The following HSDL2 variants were observed in gnomAD, a reference collection of about 807,000 sequenced individuals.
HSDL2 encodes hydroxysteroid dehydrogenase like 2.
A neutral mutation model predicts 46.3 loss-of-function variants in HSDL2; 27 were observed. That is an observed-to-expected ratio of 0.58 (90% CI 0.43 to 0.80). The LOEUF (loss-of-function observed/expected upper bound fraction) is 0.80. HSDL2 is among the 30% of genes least tolerant of loss of function. HSDL2 has a pLI of 0.00. For missense variants in HSDL2, 451 were observed against 502.7 expected (o/e 0.90, Z 0.98); for synonymous variants, 153 against 163.6 (o/e 0.94, Z 0.50).
intron 6 of HSDL2, among the ~76,000 whole-genome samples, chr9:112,430,192 T>G (rs1832355017): frequency 6.6e-6 from 1 of 152,064 alleles, no homozygotes; most frequent in Non-Finnish European, 1.5e-5. Context: ...AAGGTGACGT[T>G]TGAGCATAGA....
intron 8 of HSDL2, among the ~76,000 whole-genome samples, chr9:112,450,183 A>G (rs1766768110): frequency 6.6e-6 from 1 of 151,872 alleles, no homozygotes; most frequent in Admixed American, 6.6e-5. Flanking sequence ...TAATCATAAC[A>G]CTATGGGAGA....
rs573291636 is a variant in HSDL2, at chr9:112,436,053, C to T, written c.599-2378C>T. Among the ~76,000 whole-genome samples the T allele has an allele frequency of 1.4e-4, 21 of 151,564 alleles. No individual in the cohort carries two copies. The South Asian group carries it at 2.1e-3, about 15-fold the overall frequency. ...ACTTTGGAAGGCCAAGGCAGGAGGA[C>T]GGCTTGAGCCCACGAGTTGGAGACC... On this transcript the variant is annotated intron_variant, in intron 6 of 10. Coordinates refer to ENST00000398805, the MANE Select transcript of HSDL2 (RefSeq NM_032303.5).
intron 2 of HSDL2, 27 bp from the exon 3 acceptor site, chr9:112,405,597 T>G (rs528251710): frequency 4.3e-5 from 64 of 1,496,914 alleles, no homozygotes; most frequent in Non-Finnish European, 5.5e-5. Flanking sequence ...GCTTTAACGC[T>G]TTTTCATTTT....
intron 4 of HSDL2, 71 bp from the exon 5 acceptor site, chr9:112,416,770 C>G (rs1457601790): frequency 1.9e-5 from 14 of 745,510 alleles, no homozygotes; most frequent in Non-Finnish European, 2.6e-5. Context: ...AAGGCCCCCT[C>G]TCTTAAAAAA....
intron 8 of HSDL2, among the ~76,000 whole-genome samples, chr9:112,447,446 G>T (rs1018391259): frequency 1.3e-5 from 2 of 152,126 alleles, no homozygotes; most frequent in African/African-American, 4.8e-5. Flanking sequence ...ATATGTAGAT[G>T]ATATATCTTG....
intron 9 of HSDL2, among the ~76,000 whole-genome samples, chr9:112,457,402 G>T (rs1833063862): frequency 6.6e-6 from 1 of 152,154 alleles, no homozygotes; most frequent in African/African-American, 2.4e-5. Context: ...TGTAATCCCA[G>T]CACTCTGGGA....
intron 6 of HSDL2, among the ~76,000 whole-genome samples, chr9:112,436,377 G>T (rs1305362786): frequency 1.3e-5 from 2 of 151,536 alleles, no homozygotes; most frequent in Non-Finnish European, 2.9e-5. Flanking sequence ...AGGGATGTAA[G>T]TTCCATGAAG....
At chr9:112,425,634 TTTTG>T (rs1832226950) in intron 6 of HSDL2, among the ~76,000 whole-genome samples, 1 of 152,134 alleles carries the variant, frequency 6.6e-6, no homozygotes, top group Non-Finnish European at 1.5e-5. Context: ...TGGTGTCACA[TTTTG>T]TTTAATTTTC....
Position 112,380,163 on chromosome 9 carries a change from C to A in HSDL2, c.-1C>A, listed in dbSNP as rs1034904596. ...GCCACCTCCTCTGATCTACGAAAGT[C>A]ATGTTACCCAACACCGGGTAAGGGG... On this transcript the variant is annotated 5_prime_UTR_variant, in exon 1 of 11. Coordinates refer to ENST00000398805, the MANE Select transcript of HSDL2 (RefSeq NM_032303.5). The A allele has an allele frequency of 1.1e-5, 17 of 1,573,490 alleles. No homozygotes were observed. The highest frequency in any genetic ancestry group is 1.5e-5 in the Non-Finnish European group (17 of 1,158,766).
rs1204041231 is a variant in HSDL2, at chr9:112,459,451, G to A, written c.1018G>A (p.Glu340Lys). ...QAIYLFELSG[E>K]DGGTWFLDLK... ...TTTCTATATGTTTATCTCTCTAGGT[G>A]AAGATGGTGGCACGTGGTTTCTTGA... The change falls in exon 10 of 11, where the codon GAA becomes AAA. Residue 340 changes from glutamate (E) to lysine (K), a missense_variant and splice_region_variant. Physicochemically the swap from Glu to Lys is moderately conservative, Grantham distance 56. Coordinates refer to ENST00000398805, the MANE Select transcript of HSDL2 (RefSeq NM_032303.5). The A allele has an allele frequency of 6.2e-7, 1 of 1,613,888 alleles. No homozygotes were observed. The highest frequency in any genetic ancestry group is 8.5e-7 in the Non-Finnish European group (1 of 1,179,790).
Position 112,441,704 on chromosome 9 carries a change from C to T in HSDL2, c.799C>T (p.Pro267Ser). Residue 267 changes from proline to serine, a missense_variant, in exon 8 of 11, where the codon CCT becomes TCT. Physicochemically the swap from Pro to Ser is moderately conservative, Grantham distance 74. Transcript: ENST00000398805. ...FDVYAIKPGH[P>S]LQPDFFLDEY... ...GTTTGGGGTCAATTTTTCAGGTCAT[C>T]CTTTGCAACCAGATTTCTTCTTAGA... The T allele has an allele frequency of 1.2e-6, 2 of 1,612,082 alleles. No homozygotes were observed. The highest frequency in any genetic ancestry group is 2.2e-5 in the South Asian group (2 of 91,016).
chr9:112,447,089 G>A (rs1168675928), intron 8 of HSDL2, among the ~76,000 whole-genome samples: 3 of 152,142 alleles, frequency 2.0e-5, no homozygotes, highest in Admixed American at 6.6e-5. Context: ...ATCAGTCTAG[G>A]TGATATTCAG....
At chr9:112,455,238 A>T (rs367967319) in intron 9 of HSDL2, among the ~76,000 whole-genome samples, 21 of 152,072 alleles carry the variant, frequency 1.4e-4, no homozygotes, top group Admixed American at 7.9e-4. Context: ...AGTGAGACCC[A>T]TCTCAAACAA....
chr9:112,392,796 A>C (rs957061322), intron 1 of HSDL2, among the ~76,000 whole-genome samples: 2 of 152,360 alleles, frequency 1.3e-5, no homozygotes, highest in South Asian at 2.1e-4. Context: ...CAATTATCAC[A>C]GTGGTCCTGA....
chr9:112,433,406 G>C (rs915240225), intron 6 of HSDL2, among the ~76,000 whole-genome samples: 4 of 152,054 alleles, frequency 2.6e-5, no homozygotes, highest in Non-Finnish European at 4.4e-5. Flanking sequence ...TGAGATGGAT[G>C]GTCTTGTCTG....
chr9:112,401,981 A>C (rs1831610426), intron 1 of HSDL2, among the ~76,000 whole-genome samples: 2 of 152,146 alleles, frequency 1.3e-5, no homozygotes, highest in South Asian at 4.1e-4. Context: ...TCCCACTTTT[A>C]CCTCTGATCT....
At chr9:112,452,469 G>A (rs1832909923) in intron 8 of HSDL2, among the ~76,000 whole-genome samples, 1 of 152,186 alleles carries the variant, frequency 6.6e-6, no homozygotes, top group African/African-American at 2.4e-5. Context: ...CAGAGAGGCC[G>A]GGCACGGTGG....
At chr9:112,466,517 C>T (rs1833387935) in intron 10 of HSDL2, among the ~76,000 whole-genome samples, 1 of 148,842 alleles carries the variant, frequency 6.7e-6, no homozygotes, top group African/African-American at 2.5e-5. Flanking sequence ...CACGCCATTG[C>T]ACTCTAGCCT....
intron 1 of HSDL2, among the ~76,000 whole-genome samples, chr9:112,401,014 A>G (rs750954676): frequency 8.5e-5 from 13 of 152,192 alleles, no homozygotes; most frequent in African/African-American, 1.7e-4. Context: ...GGGGGACACA[A>G]TTCAATCAAT....
Sources: gnomAD v4.1 joint callset for allele counts (sites outside exome capture counted in the v4.1 genomes callset) on GRCh38, gnomAD v4.1.1 for gene constraint, MANE v1.5 for transcripts, NCBI Gene and HGNC (gene_info 2026-07-23, HGNC 2026-07-21) for gene names.